Variants in WWOX observed in about 807,000 individuals in gnomAD.
WWOX encodes the protein WW domain containing oxidoreductase.
WWOX carries 69 observed loss-of-function variants against 46.2 expected under a neutral mutation model. The observed-to-expected ratio is 1.49, with a 90% CI of 1.23 to 1.82. The LOEUF (loss-of-function observed/expected upper bound fraction) is 1.82. Among genes scored for constraint, WWOX ranks in the 40% most tolerant of loss-of-function variants. WWOX has a pLI of 0.00. For missense variants in WWOX, 919 were observed against 542.6 expected, an observed-to-expected ratio of 1.69 and a Z score of -6.89; for synonymous variants, 359 against 202.6, an observed-to-expected ratio of 1.77 and a Z score of -6.56.
chr16:79,129,193 G>C (rs1280646024), intron 8 of WWOX, among the ~76,000 whole-genome samples: 2 of 151,840 alleles, frequency 1.3e-5, no homozygotes, highest in African/African-American at 4.8e-5. Flanking sequence ...ATCAAGACAA[G>C]TCTAAGAGAA....
chr16:79,114,564 A>T (rs1567559422), intron 8 of WWOX, among the ~76,000 whole-genome samples: 1 of 151,922 alleles, frequency 6.6e-6, no homozygotes, highest in African/African-American at 2.4e-5. Flanking sequence ...AGTGGCAAGG[A>T]TATGTTCTGC....
rs1327337933 is a variant in WWOX at position 78,134,052 on chromosome 16, C to T, written c.409+18898C>T. 5.3e-5 allele frequency among the ~76,000 whole-genome samples: 8 copies of T among 152,120 alleles called. No individual in the cohort carries two copies. In the South Asian group the frequency reaches 8.3e-4, roughly 16 times the overall value. On this transcript the variant is annotated intron_variant, in intron 4 of 8. Transcript: ENST00000566780. ...CTTAAAGAATTGCTTTTGTATGGTA[C>T]GGCTCTATGTGTCTGTGTTTCTCAT...
chr16:78,765,524 C>T (rs1052213188), intron 8 of WWOX, among the ~76,000 whole-genome samples: 1 of 152,040 alleles, frequency 6.6e-6, no homozygotes, highest in African/African-American at 2.4e-5. Flanking sequence ...ACTAAAAGTA[C>T]AAAAATTAGC....
chr16:79,174,808 A>T (rs1214033771), intron 8 of WWOX, among the ~76,000 whole-genome samples: 2 of 152,228 alleles, frequency 1.3e-5, no homozygotes, highest in Non-Finnish European at 2.9e-5. Context: ...ACTTTAACAG[A>T]AATATTAATA....
At chr16:78,344,920 A>C (rs1217880096) in intron 5 of WWOX, among the ~76,000 whole-genome samples, 1 of 120,728 alleles carries the variant, frequency 8.3e-6, no homozygotes, top group East Asian at 1.9e-4. Context: ...TCTTGATCCT[A>C]TCACTTCCTT....
chr16:79,154,191 A>T (rs946881727), intron 8 of WWOX, among the ~76,000 whole-genome samples: 1 of 152,212 alleles, frequency 6.6e-6, no homozygotes, highest in Admixed American at 6.5e-5. Flanking sequence ...ACAGATCGAC[A>T]CCCACTAAAT....
At chr16:78,198,136 A>G (rs2036115161) in intron 5 of WWOX, among the ~76,000 whole-genome samples, 1 of 152,026 alleles carries the variant, frequency 6.6e-6, no homozygotes, top group Non-Finnish European at 1.5e-5. Context: ...CTCCAGTCTG[A>G]GGAGTCTGGC....
chr16:79,094,370 C>G (rs943466455), intron 8 of WWOX, among the ~76,000 whole-genome samples: 1 of 152,018 alleles, frequency 6.6e-6, no homozygotes, highest in Admixed American at 6.5e-5. Flanking sequence ...CTGCCTTAGC[C>G]TCCCAGGTAG....
chr16:78,432,333 C>T (rs1348490367), intron 7 of WWOX, among the ~76,000 whole-genome samples, 155 bp from the exon 8 acceptor site: 2 of 152,076 alleles, frequency 1.3e-5, no homozygotes, highest in African/African-American at 2.4e-5. Context: ...CTTGAACTCC[C>T]GACCTCAGGT....
chr16:78,121,444 ATT>A (rs1181361123), intron 4 of WWOX, among the ~76,000 whole-genome samples: 1 of 152,200 alleles, frequency 6.6e-6, no homozygotes, highest in East Asian at 1.9e-4. Context: ...ACACTGAGAT[ATT>A]ATTGGACATT....
chr16:78,850,208 A>C (rs1419583116), intron 8 of WWOX, among the ~76,000 whole-genome samples: 1 of 152,202 alleles, frequency 6.6e-6, no homozygotes, highest in African/African-American at 2.4e-5. Context: ...AAAAAAATAG[A>C]GAAAATAATA....
intron 5 of WWOX, among the ~76,000 whole-genome samples, chr16:78,253,198 T>A (rs1255413792): frequency 6.6e-6 from 1 of 152,222 alleles, no homozygotes; most frequent in Non-Finnish European, 1.5e-5. Context: ...TCAGATGGAT[T>A]AAGTAATTTA....
In WWOX at chr16:79,128,511, A is replaced by C. The variant is rs116735183; in HGVS notation, c.1057-83097A>C. Among the ~76,000 whole-genome samples the C allele has an allele frequency of 6.3e-3, 954 of 152,316 alleles. 6 individuals are homozygous for C. Among genetic ancestry groups the C allele is most frequent in the African/African-American group, 0.021 (879 of 41,574 alleles). ...TCAGAGAGGTTAAATAACTTGGCCA[A>C]GGTCACACAGCTATTAAGGAATGGT... On this transcript the variant is annotated intron_variant, in intron 8 of 8. Transcript: ENST00000566780.
intron 8 of WWOX, among the ~76,000 whole-genome samples, chr16:78,951,280 A>G (rs2046054333): frequency 6.6e-6 from 1 of 152,194 alleles, no homozygotes; most frequent in South Asian, 2.1e-4. Flanking sequence ...CATGGCCAGC[A>G]TGCGCCCATA....
At chr16:78,531,619 A>AT (rs2043623651) in intron 8 of WWOX, among the ~76,000 whole-genome samples, 1 of 152,048 alleles carries the variant, frequency 6.6e-6, no homozygotes, top group Non-Finnish European at 1.5e-5. Flanking sequence ...GAGGCAGGTG[A>AT]ATCACTTGAG....
chr16:78,600,439 T>C lies in WWOX; in HGVS notation c.1056+167687T>C, dbSNP rs114441472. On this transcript the variant is annotated intron_variant, in intron 8 of 8. Transcript: ENST00000566780. ...CCAACAGAATCAAGGACTCGGATTT[T>C]TATGTGAAGTCATCTCCATTTTAAG... 8.4e-3 allele frequency among the ~76,000 whole-genome samples: 1,273 copies of C among 152,256 alleles called. 20 individuals carry two copies. The highest frequency in any genetic ancestry group is 0.029 in the African/African-American group (1,220 of 41,548).
intron 8 of WWOX, among the ~76,000 whole-genome samples, chr16:79,199,398 T>C (rs561702072): frequency 6.6e-6 from 1 of 152,260 alleles, no homozygotes; most frequent in East Asian, 1.9e-4. Context: ...GTGTGCAGAA[T>C]TCCCCCTAAA....
intron 4 of WWOX, among the ~76,000 whole-genome samples, chr16:78,159,744 C>T (rs537507985): frequency 4.2e-5 from 5 of 119,618 alleles, no homozygotes; most frequent in Admixed American, 1.0e-4. Context: ...TGAACACTAT[C>T]AGTTATGAGG....
chr16:79,049,063 C>T (rs180875852), intron 8 of WWOX, among the ~76,000 whole-genome samples: 8 of 152,296 alleles, frequency 5.3e-5, no homozygotes, highest in African/African-American at 1.9e-4. Flanking sequence ...GGTTTCTATC[C>T]TCTGACAGTT....
Sources: allele counts gnomAD v4.1 joint callset (sites outside exome capture counted in the v4.1 genomes callset), GRCh38; gene constraint gnomAD v4.1.1; transcripts MANE v1.5; gene names NCBI Gene and HGNC (gene_info 2026-07-23, HGNC 2026-07-21).